SCLT1: variants seen among roughly 807,000 people sequenced by gnomAD.
SCLT1 encodes the protein sodium channel-associated protein 1.
A neutral mutation model predicts 112.8 loss-of-function variants in SCLT1; 78 were observed. The observed-to-expected ratio is 0.69, with a 90% CI of 0.58 to 0.83. The LOEUF is 0.83. Among genes scored for constraint, SCLT1 ranks in the 40% least tolerant of loss-of-function variants. The pLI is 0.00. For missense variants in SCLT1, 747 were observed against 770.4 expected (o/e 0.97, Z 0.36); for synonymous variants, 257 against 254.7 (o/e 1.01, Z -0.09).
chr4:128,988,742 C>T (rs1457883064), intron 9 of SCLT1, among the ~76,000 whole-genome samples: 2 of 151,866 alleles, frequency 1.3e-5, no homozygotes, highest in Non-Finnish European at 2.9e-5. Context: ...AAACTCATTT[C>T]ATCTATAAAG....
At chr4:129,026,154 T>C (rs1445814359) in intron 5 of SCLT1, among the ~76,000 whole-genome samples, 2 of 151,950 alleles carry the variant, frequency 1.3e-5, no homozygotes, top group East Asian at 1.9e-4. Flanking sequence ...GACAGAAAGT[T>C]AACAAGGATA....
chr4:129,063,774 G>A (rs1750214330), intron 2 of SCLT1, among the ~76,000 whole-genome samples: 1 of 152,106 alleles, frequency 6.6e-6, no homozygotes, highest in South Asian at 2.1e-4. Flanking sequence ...CCTGCTCCTA[G>A]TCTCTCCTAG....
At chr4:129,011,004 AG>A (rs1265448154) in intron 5 of SCLT1, among the ~76,000 whole-genome samples, 7 of 152,212 alleles carry the variant, frequency 4.6e-5, no homozygotes, top group African/African-American at 1.4e-4. Context: ...GCCAGTTTTC[AG>A]GAAGAATGTT....
chr4:128,953,479 C>T (rs1328751584), intron 13 of SCLT1, among the ~76,000 whole-genome samples: 1 of 152,016 alleles, frequency 6.6e-6, no homozygotes, highest in African/African-American at 2.4e-5. Context: ...GACCTTGTGG[C>T]CTCTCTGAAC....
chr4:129,026,261 C>T (rs976811907), intron 5 of SCLT1, among the ~76,000 whole-genome samples: 1 of 152,114 alleles, frequency 6.6e-6, no homozygotes, highest in Admixed American at 6.5e-5. Flanking sequence ...TTTTCAGCAC[C>T]ACACCACACC....
intron 18 of SCLT1, among the ~76,000 whole-genome samples, chr4:128,901,185 G>T (rs1464267617): frequency 4.6e-5 from 7 of 152,242 alleles, no homozygotes; most frequent in Admixed American, 2.0e-4. Flanking sequence ...ATACCCAAAG[G>T]ATTATAAATC....
chr4:128,970,064 A>T (rs1226127550), intron 10 of SCLT1, among the ~76,000 whole-genome samples: 1 of 152,212 alleles, frequency 6.6e-6, no homozygotes, highest in Non-Finnish European at 1.5e-5. Context: ...AAGTAGTATT[A>T]AATGCTTGTT....
At chr4:129,020,996 G>A (rs1745420505) in intron 5 of SCLT1, among the ~76,000 whole-genome samples, 1 of 152,154 alleles carries the variant, frequency 6.6e-6, no homozygotes, top group African/African-American at 2.4e-5. Context: ...CCGGTCTGCA[G>A]CTCCCAGCAA....
intron 14 of SCLT1, among the ~76,000 whole-genome samples, chr4:128,950,444 T>C (rs1255366261): frequency 1.3e-5 from 2 of 152,178 alleles, no homozygotes; most frequent in East Asian, 1.9e-4. Flanking sequence ...CTAATTCTAG[T>C]AGAAATGCAC....
At chr4:128,901,695 C>T (rs1412815381) in intron 18 of SCLT1, among the ~76,000 whole-genome samples, 2 of 151,710 alleles carry the variant, frequency 1.3e-5, no homozygotes, top group Non-Finnish European at 2.9e-5. Flanking sequence ...AAAAAAAAGA[C>T]TGCACCCTTG....
At chr4:128,972,934 G>A (rs780828984) in intron 9 of SCLT1, among the ~76,000 whole-genome samples, 2 of 152,048 alleles carry the variant, frequency 1.3e-5, no homozygotes, top group Non-Finnish European at 2.9e-5. Flanking sequence ...CTCCTCTACT[G>A]GCATATAAGG....
intron 14 of SCLT1, among the ~76,000 whole-genome samples, chr4:128,951,668 A>C (rs1458708817): frequency 6.6e-6 from 1 of 152,180 alleles, no homozygotes; most frequent in Non-Finnish European, 1.5e-5. Context: ...ATAGCTAATC[A>C]GCCCATGAAA....
chr4:128,951,919 G>A (rs866465278), intron 14 of SCLT1, among the ~76,000 whole-genome samples: 24 of 152,094 alleles, frequency 1.6e-4, no homozygotes, highest in Admixed American at 6.5e-4. Flanking sequence ...GTAGAATGGC[G>A]AAAGAAAATG....
chr4:129,000,596 G>A (rs12500938), intron 6 of SCLT1, among the ~76,000 whole-genome samples: 13,475 of 151,782 alleles, frequency 0.089, 759 homozygotes, highest in South Asian at 0.15. Context: ...TATATGATGT[G>A]ATGCCATCCT....
intron 15 of SCLT1, among the ~76,000 whole-genome samples, chr4:128,948,182 A>G (rs910722508): frequency 2.6e-5 from 4 of 151,828 alleles, no homozygotes; most frequent in African/African-American, 9.7e-5. Context: ...AAAAATACAA[A>G]AAAAGTAGCC....
At chr4:129,010,040 G>A (rs1744382306) in intron 5 of SCLT1, among the ~76,000 whole-genome samples, 1 of 152,134 alleles carries the variant, frequency 6.6e-6, no homozygotes, top group South Asian at 2.1e-4. Flanking sequence ...GTCCAGAATG[G>A]TATTGCCTAA....
chr4:129,014,541 T>C (rs1044788572), intron 5 of SCLT1, among the ~76,000 whole-genome samples: 3 of 152,206 alleles, frequency 2.0e-5, no homozygotes, highest in Admixed American at 1.3e-4. Flanking sequence ...AGGGTAGATT[T>C]AGCTGACTGG....
intron 11 of SCLT1, among the ~76,000 whole-genome samples, chr4:128,964,185 A>C (rs1281261085): frequency 6.6e-6 from 1 of 152,204 alleles, no homozygotes; most frequent in African/African-American, 2.4e-5. Flanking sequence ...GGCATTTGAA[A>C]TGTGTAGGGA....
chr4:128,947,236 C>A, intron 15 of SCLT1, among the ~76,000 whole-genome samples: 1 of 152,136 alleles, frequency 6.6e-6, no homozygotes, highest in Non-Finnish European at 1.5e-5. Context: ...TTACATTTCC[C>A]CAAAAGCCTT....
Sources: gnomAD v4.1 joint callset for allele counts (sites outside exome capture counted in the v4.1 genomes callset) on GRCh38, gnomAD v4.1.1 for gene constraint, MANE v1.5 for transcripts, NCBI Gene and HGNC (gene_info 2026-07-23, HGNC 2026-07-21) for gene names.